Variants in C2CD5 observed in about 807,000 individuals in gnomAD.
The protein encoded by C2CD5 is C2 calcium dependent domain containing 5, also known as C2 domain-containing protein 5.
C2CD5 carries 109 observed loss-of-function variants against 130.3 expected under a neutral mutation model. The observed-to-expected ratio is 0.84, with a 90% CI of 0.72 to 0.98. The LOEUF (loss-of-function observed/expected upper bound fraction) is 0.98. Ranked by LOEUF, C2CD5 falls within the 50% of genes least tolerant of loss-of-function variation. The pLI is 0.00. For missense variants in C2CD5, 996 were observed against 1,261.8 expected (o/e 0.79, Z 3.19); for synonymous variants, 454 against 429.2 (o/e 1.06, Z -0.71).
At chr12:22,513,085 A>G (rs1949364312) in intron 9 of C2CD5, among the ~76,000 whole-genome samples, 1 of 152,140 alleles carries the variant, frequency 6.6e-6, no homozygotes. Flanking sequence ...TAAACAAGAC[A>G]AAAATTATTA....
At chr12:22,533,182 G>A (rs1274312741) in intron 3 of C2CD5, among the ~76,000 whole-genome samples, 1 of 152,188 alleles carries the variant, frequency 6.6e-6, no homozygotes, top group African/African-American at 2.4e-5. Flanking sequence ...TGGGTAGAAT[G>A]GGAGAATGTA....
chr12:22,511,343 ATTC>A (rs1278302487), intron 9 of C2CD5, among the ~76,000 whole-genome samples: 1 of 152,188 alleles, frequency 6.6e-6, no homozygotes, highest in Non-Finnish European at 1.5e-5. Flanking sequence ...TATGGAGAGA[ATTC>A]TTCATACTTC....
Position 22,523,590 on chromosome 12 carries a change from A to T in C2CD5, c.636T>A (p.Leu212=). The T allele has an allele frequency of 1.9e-6, 3 of 1,613,862 alleles. No homozygotes were observed. The highest frequency in any genetic ancestry group is 2.5e-6 in the Non-Finnish European group (3 of 1,179,972). ...ELQRKIGLKV[L]EMRGNAVVGY... ...CCACAACTGCATTTCCTCTCATTTC[A>T]AGTACTTTCAAGCCAATCTTCCTCT... The change falls in exon 7 of 27, where the codon CTT becomes CTA. Residue 212 remains leucine, a synonymous_variant. Transcript: ENST00000446597.
intron 3 of C2CD5, chr12:22,534,933 T>C (rs1951682218): frequency 5.3e-6 from 1 of 188,200 alleles, no homozygotes; most frequent in Non-Finnish European, 1.1e-5. Context: ...TCACAATATA[T>C]AGTACTACAA....
Position 22,497,651 on chromosome 12 carries a change from T to C in C2CD5, c.1148-4314A>G, listed in dbSNP as rs867442248. ...CCCTAATGAAAAAGAAATTAGAGAG[T>C]TCAGGTTCAAAGGAGTATATAATCT... On this transcript the variant is annotated intron_variant, in intron 10 of 26. Transcript: ENST00000446597. 4.1e-5 allele frequency: 36 copies of C among 879,614 alleles called. No individual in the cohort carries two copies. The South Asian group carries it at 1.8e-3, about 43-fold the overall frequency. 54.5% of individuals were successfully genotyped at this position (879,614 alleles called of 1,614,324 possible).
chr12:22,461,142 A>G (rs952860413), intron 22 of C2CD5, among the ~76,000 whole-genome samples: 2 of 152,158 alleles, frequency 1.3e-5, no homozygotes, highest in Non-Finnish European at 2.9e-5. Flanking sequence ...GGCTTACCAC[A>G]TCTGTAGGGA....
At chr12:22,468,545 T>C (rs1257414699) in intron 22 of C2CD5, among the ~76,000 whole-genome samples, 2 of 152,174 alleles carry the variant, frequency 1.3e-5, no homozygotes, top group Non-Finnish European at 2.9e-5. Context: ...AGTTCTGCTT[T>C]CTGCCTGGAA....
chr12:22,502,746 G>C (rs1947959411), intron 10 of C2CD5: 1 of 1,522,696 alleles, frequency 6.6e-7, no homozygotes, highest in African/African-American at 1.4e-5. Context: ...TACCTGAATT[G>C]AAACTATTCC....
chr12:22,459,873 A>G (rs1262759881), intron 22 of C2CD5, among the ~76,000 whole-genome samples: 2 of 152,216 alleles, frequency 1.3e-5, no homozygotes, highest in Non-Finnish European at 2.9e-5. Context: ...CTAGGCAGAG[A>G]AAAGGGTCAA....
At chr12:22,480,412 C>T (rs533686927) in intron 14 of C2CD5, among the ~76,000 whole-genome samples, 3 of 152,266 alleles carry the variant, frequency 2.0e-5, no homozygotes, top group Admixed American at 6.5e-5. Flanking sequence ...CTCTTGAGAA[C>T]TTAGGATTTA....
intron 26 of C2CD5, among the ~76,000 whole-genome samples, chr12:22,453,096 T>C (rs1477922218): frequency 6.6e-6 from 1 of 152,132 alleles, no homozygotes; most frequent in Non-Finnish European, 1.5e-5. Flanking sequence ...CATATACACA[T>C]CTATTCATTC....
chr12:22,496,860 G>A (rs1947087085), intron 10 of C2CD5, among the ~76,000 whole-genome samples: 1 of 151,954 alleles, frequency 6.6e-6, no homozygotes. Flanking sequence ...TAGGGGTAAT[G>A]TCAGCACACT....
intron 20 of C2CD5, among the ~76,000 whole-genome samples, chr12:22,471,143 G>A (rs1942953781): frequency 1.3e-5 from 2 of 151,850 alleles, no homozygotes; most frequent in Non-Finnish European, 2.9e-5. Context: ...CTAAAAAATG[G>A]GAACTGGTGA....
At chr12:22,535,793 GA>G (rs1416779888) in intron 2 of C2CD5, among the ~76,000 whole-genome samples, 1 of 152,104 alleles carries the variant, frequency 6.6e-6, no homozygotes, top group African/African-American at 2.4e-5. Context: ...CAAAAGATTT[GA>G]AAACAGAATT....
At chr12:22,499,448 C>A (rs568941617) in intron 10 of C2CD5, among the ~76,000 whole-genome samples, 1 of 152,152 alleles carries the variant, frequency 6.6e-6, no homozygotes. Context: ...GGATTAGAGT[C>A]GACCTCAGAG....
chr12:22,528,068 A>G (rs987412141), intron 3 of C2CD5, among the ~76,000 whole-genome samples, 176 bp from the exon 4 acceptor site: 1 of 152,206 alleles, frequency 6.6e-6, no homozygotes, highest in African/African-American at 2.4e-5. Flanking sequence ...CTTTTCCTAC[A>G]CAATATCCCA....
intron 11 of C2CD5, among the ~76,000 whole-genome samples, chr12:22,492,227 A>G (rs1259044677): frequency 6.6e-6 from 1 of 152,180 alleles, no homozygotes; most frequent in Non-Finnish European, 1.5e-5. Flanking sequence ...AGATAACAGA[A>G]GGTTAAACAG....
intron 25 of C2CD5, 128 bp from the exon 26 acceptor site, chr12:22,454,170 T>C: frequency 1.4e-6 from 1 of 693,152 alleles, no homozygotes; most frequent in South Asian, 2.3e-5. Context: ...TAACTTAAAC[T>C]TCCCTCACAA....
intron 14 of C2CD5, among the ~76,000 whole-genome samples, chr12:22,479,393 A>T (rs550217383): frequency 1.0e-3 from 156 of 152,150 alleles, no homozygotes; most frequent in African/African-American, 3.3e-3. Flanking sequence ...AATTTAAAAA[A>T]ATATATAATT....
Sources: allele counts gnomAD v4.1 joint callset (sites outside exome capture counted in the v4.1 genomes callset), GRCh38; gene constraint gnomAD v4.1.1; transcripts MANE v1.5; gene names NCBI Gene and HGNC (gene_info 2026-07-23, HGNC 2026-07-21).